The following GALNT17 variants were observed in gnomAD, a reference collection of about 807,000 sequenced individuals.
GALNT17 encodes polypeptide N-acetylgalactosaminyltransferase 17, also known as UDP-GalNAc:polypeptide N-acetylgalactosaminyltransferase-like 3.
In GALNT17, 29 loss-of-function variants were observed where a neutral mutation model predicts 63.7. The observed-to-expected ratio is 0.46, with a 90% CI of 0.34 to 0.62. The LOEUF (loss-of-function observed/expected upper bound fraction) is 0.62. Among genes scored for constraint, GALNT17 ranks in the 20% least tolerant of loss-of-function variants. The pLI is 0.01. For synonymous variants in GALNT17, 305 were observed against 318.3 expected, an observed-to-expected ratio of 0.96 and a Z score of 0.45; for missense variants, 603 against 799.6, an observed-to-expected ratio of 0.75 and a Z score of 2.97.
At chr7:71,561,040 T>G (rs185373466) in intron 5 of GALNT17, among the ~76,000 whole-genome samples, 94 of 152,118 alleles carry the variant, frequency 6.2e-4, no homozygotes, top group Non-Finnish European at 1.0e-3. Flanking sequence ...TGAGACAGAG[T>G]CTCGCTCTGT....
chr7:71,168,018 C>CT (rs755932528), intron 1 of GALNT17, among the ~76,000 whole-genome samples: 24 of 152,156 alleles, frequency 1.6e-4, no homozygotes, highest in Admixed American at 2.6e-4. Context: ...TAACTGTGAT[C>CT]TATTTTCGTA....
intron 1 of GALNT17, among the ~76,000 whole-genome samples, chr7:71,224,996 CAG>C (rs1789654448): frequency 6.6e-6 from 1 of 152,196 alleles, no homozygotes; most frequent in Admixed American, 6.5e-5. Flanking sequence ...CTTTTTGAGA[CAG>C]AGTCTCCCTC....
chr7:71,712,241 G>T lies in GALNT17; in HGVS notation c.*95G>T. 2 of 1,515,384 alleles carry T rather than the reference G, an allele frequency of 1.3e-6. No individual in the cohort carries two copies. The highest frequency in any genetic ancestry group is 1.3e-5 in the South Asian group (1 of 77,710). 93.9% of individuals were successfully genotyped at this position (1,515,384 alleles called of 1,614,324 possible). A position where few individuals can be genotyped will look rare whatever the true frequency, so the allele number is the denominator to read the frequency against. The stretch of plus-strand genomic sequence containing the variant: ...TGCCCTGGCGGAGAGACAGCAAGGG[G>T]CCGGCAGGTGCTCGATGGGCCCCCC... On this transcript the variant is annotated 3_prime_UTR_variant, in exon 11 of 11. Coordinates refer to ENST00000333538, the MANE Select transcript of GALNT17 (RefSeq NM_022479.3).
At chr7:71,648,861 A>T (rs1322739749) in intron 6 of GALNT17, among the ~76,000 whole-genome samples, 3 of 152,232 alleles carry the variant, frequency 2.0e-5, no homozygotes, top group East Asian at 1.9e-4. Context: ...TTTCAACTCA[A>T]CCAAGAGCCA....
chr7:71,631,769 G>C (rs1790455692), intron 6 of GALNT17, among the ~76,000 whole-genome samples: 1 of 152,134 alleles, frequency 6.6e-6, no homozygotes, highest in African/African-American at 2.4e-5. Flanking sequence ...TTGAGCTGAG[G>C]TGCAATATTG....
intron 5 of GALNT17, among the ~76,000 whole-genome samples, chr7:71,535,389 A>T (rs1333964347): frequency 1.3e-5 from 2 of 152,188 alleles, no homozygotes; most frequent in African/African-American, 4.8e-5. Flanking sequence ...GATCTGGCAC[A>T]TGCAGCCCTT....
At chr7:71,289,740 G>T (rs180899873) in intron 1 of GALNT17, among the ~76,000 whole-genome samples, 200 of 152,188 alleles carry the variant, frequency 1.3e-3, no homozygotes, top group South Asian at 6.6e-3. Flanking sequence ...TTAGCCAGGC[G>T]TGGTAGCGCA....
At chr7:71,387,601 C>T (rs754222388) in intron 2 of GALNT17, among the ~76,000 whole-genome samples, 9 of 152,150 alleles carry the variant, frequency 5.9e-5, no homozygotes, top group Non-Finnish European at 1.3e-4. Context: ...GCTGAAATTA[C>T]AGGTGTGAGG....
intron 3 of GALNT17, among the ~76,000 whole-genome samples, chr7:71,412,405 C>G (rs1249820805): frequency 6.6e-6 from 1 of 151,190 alleles, no homozygotes; most frequent in African/African-American, 2.4e-5. Flanking sequence ...GAGTCTCGCT[C>G]TGTTGCTGAG....
intron 5 of GALNT17, among the ~76,000 whole-genome samples, chr7:71,470,103 G>A (rs537209903): frequency 4.9e-4 from 74 of 152,282 alleles, no homozygotes; most frequent in African/African-American, 1.6e-3. Flanking sequence ...CAGCTACTCA[G>A]GTGGCTGAGG....
At chr7:71,458,269 C>G (rs528990865) in intron 5 of GALNT17, among the ~76,000 whole-genome samples, 1 of 152,212 alleles carries the variant, frequency 6.6e-6, no homozygotes, top group African/African-American at 2.4e-5. Flanking sequence ...ACAACTACAT[C>G]GAAACAGGAG....
chr7:71,465,707 T>A (rs1787524186), intron 5 of GALNT17, among the ~76,000 whole-genome samples: 1 of 152,194 alleles, frequency 6.6e-6, no homozygotes, highest in African/African-American at 2.4e-5. Context: ...ACAGATTTAT[T>A]TAACATGTAT....
At chr7:71,516,153 G>C (rs1368868048) in intron 5 of GALNT17, among the ~76,000 whole-genome samples, 2 of 152,164 alleles carry the variant, frequency 1.3e-5, no homozygotes, top group South Asian at 2.1e-4. Context: ...TCCAGAATCT[G>C]TAAAGGTAGG....
intron 1 of GALNT17, among the ~76,000 whole-genome samples, chr7:71,258,466 C>A (rs899668522): frequency 2.0e-5 from 3 of 152,188 alleles, no homozygotes; most frequent in African/African-American, 7.2e-5. Flanking sequence ...AATATGGCAC[C>A]TTTTGTGTCC....
At chr7:71,345,825 C>G (rs912103205) in intron 2 of GALNT17, among the ~76,000 whole-genome samples, 3 of 152,154 alleles carry the variant, frequency 2.0e-5, no homozygotes, top group Middle Eastern at 3.4e-3. Flanking sequence ...AATCATTCCT[C>G]TAACAATAGA....
intron 2 of GALNT17, among the ~76,000 whole-genome samples, chr7:71,336,984 C>G (rs549569380): frequency 6.6e-6 from 1 of 152,104 alleles, no homozygotes; most frequent in Non-Finnish European, 1.5e-5. Flanking sequence ...TTCTTCACAA[C>G]CTCTCCAGCA....
chr7:71,696,831 A>G (rs1408236998), intron 9 of GALNT17, among the ~76,000 whole-genome samples: 1 of 152,258 alleles, frequency 6.6e-6, no homozygotes, highest in Non-Finnish European at 1.5e-5. Flanking sequence ...TTTATAGAGC[A>G]TTTGATTTTT....
At chr7:71,187,973 T>C (rs1017000334) in intron 1 of GALNT17, among the ~76,000 whole-genome samples, 2 of 152,326 alleles carry the variant, frequency 1.3e-5, no homozygotes, top group African/African-American at 4.8e-5. Context: ...GAACATACAA[T>C]GTTTGGTTTT....
At chr7:71,448,922 G>A (rs955603447) in intron 5 of GALNT17, among the ~76,000 whole-genome samples, 2 of 151,884 alleles carry the variant, frequency 1.3e-5, no homozygotes, top group African/African-American at 4.8e-5. Flanking sequence ...GTAATGACTG[G>A]GAGAGTGCAT....
Sources: allele counts gnomAD v4.1 joint callset (sites outside exome capture counted in the v4.1 genomes callset), GRCh38; gene constraint gnomAD v4.1.1; transcripts MANE v1.5; gene names NCBI Gene and HGNC (gene_info 2026-07-23, HGNC 2026-07-21).